Variants in NCAPD3 observed in about 807,000 individuals in gnomAD.
The protein encoded by NCAPD3 is condensin-2 complex subunit D3.
In NCAPD3, 105 loss-of-function variants were observed where a neutral mutation model predicts 182.9. That is an observed-to-expected ratio of 0.57 (90% confidence interval 0.49 to 0.68). The LOEUF (loss-of-function observed/expected upper bound fraction) is 0.68. Among genes scored for constraint, NCAPD3 ranks in the 30% least tolerant of loss-of-function variants. The pLI is 0.00. For missense variants in NCAPD3, 1,944 were observed against 1,837.0 expected (o/e 1.06, Z -1.07); for synonymous variants, 815 against 679.9 (o/e 1.20, Z -3.09).
Position 134,168,800 on chromosome 11 carries a change from A to G in NCAPD3, c.3239+117T>C. On this transcript the variant is annotated intron_variant, in intron 25 of 34. Coordinates refer to ENST00000534548, the MANE Select transcript of NCAPD3 (RefSeq NM_015261.3). ...TTCTTACGCCATCCTGCCAAGCCACAGTAAAGACCTGGGGCAGGGTCTGCG... is the reference window on the plus strand; with the variant it reads ...TTCTTACGCCATCCTGCCAAGCCACGGTAAAGACCTGGGGCAGGGTCTGCG... The G allele has an allele frequency of 2.8e-6, 4 of 1,429,324 alleles. No homozygotes were observed. In the South Asian group the frequency reaches 5.5e-5, roughly 20 times the overall value. 88.5% of individuals were successfully genotyped at this position (1,429,324 alleles called of 1,614,324 possible).
At chr11:134,206,469 C>T (rs1937617847) in intron 8 of NCAPD3, 130 bp downstream of exon 8, 3 of 1,207,282 alleles carry the variant, frequency 2.5e-6, no homozygotes, top group Middle Eastern at 1.9e-4. Context: ...CTACGAAGTG[C>T]TTGGTTTTCA....
intron 16 of NCAPD3, chr11:134,185,851 T>A (rs1316013218): frequency 5.4e-6 from 1 of 183,560 alleles, no homozygotes; most frequent in African/African-American, 2.4e-5. Context: ...TGGGGTCAGT[T>A]ACAGATACAT....
At position 134,204,105 on chromosome 11, in the gene NCAPD3, G is replaced by A. The variant is rs1944804090; in HGVS notation, c.1156C>T (p.Pro386Ser). The change falls in exon 10 of 35, where the codon CCT (proline) becomes TCT (serine). Residue 386 changes from proline (P) to serine (S), a missense_variant. This residue lies in a region of NCAPD3 where 1,803 missense variants were observed against 1,674.6 expected (regional missense o/e 1.08). Coordinates refer to ENST00000534548, the MANE Select transcript of NCAPD3 (RefSeq NM_015261.3). This position sits in a 1 kb window ranked among gnomAD's most constrained non-coding sequence, Gnocchi z 4.3. ...ATGAACATAGCGTATTCCCCACAAG[G>A]AAGTTTACTGAGCAGCTGGACTAGG... Reference protein sequence around the residue: ...QSLVQLLSKLPCGEYAMFIAW... With the variant: ...QSLVQLLSKLSCGEYAMFIAW... 2 of 1,613,970 alleles carry A rather than the reference G, an allele frequency of 1.2e-6. No homozygotes were observed. Among genetic ancestry groups the A allele is most frequent in the African/African-American group, 1.3e-5 (1 of 74,916 alleles).
intron 32 of NCAPD3, chr11:134,153,767 G>C (rs1359968697): frequency 2.1e-5 from 5 of 236,578 alleles, no homozygotes; most frequent in Non-Finnish European, 4.2e-5. Flanking sequence ...GTGCCTGCTG[G>C]TTTCCAGCCA....
chr11:134,220,873 A>C (rs1938203255), intron 1 of NCAPD3, 147 bp from the exon 2 acceptor site: 1 of 673,786 alleles, frequency 1.5e-6, no homozygotes, highest in African/African-American at 1.8e-5. Flanking sequence ...GTGTAGCATA[A>C]TAAAAGAAAA....
chr11:134,220,675 T>C lies in NCAPD3; in HGVS notation c.116A>G (p.Asp39Gly), dbSNP rs1200615140. Residue 39 changes from aspartate to glycine, a missense_variant, in exon 2 of 35, where the codon GAT becomes GGT. Coordinates refer to ENST00000534548, the MANE Select transcript of NCAPD3 (RefSeq NM_015261.3). ...ELDFTETEPL[D>G]PSIEAEIIET... is the part of the protein sequence containing the mutation. ...TATGATCTCTGCTTCTATGCTGGGATCCAAAGGCTCAGTCTCTGTGAAATC... is the reference window on the plus strand; with the variant it reads ...TATGATCTCTGCTTCTATGCTGGGACCCAAAGGCTCAGTCTCTGTGAAATC... The C allele has an allele frequency of 1.2e-6, 2 of 1,614,132 alleles. No homozygotes were observed. Among genetic ancestry groups the C allele is most frequent in the African/African-American group, 1.3e-5 (1 of 75,066 alleles).
Position 134,205,016 on chromosome 11 carries a change from G to T in NCAPD3, c.1017-45C>A. ...ATCTACTGTTCACAATACAGTCAGC[G>T]ACTGTCCCCAAAAACCACTACTCCT... On this transcript the variant is annotated intron_variant, in intron 8 of 34. Transcript: ENST00000534548. The T allele has an allele frequency of 2.0e-6, 3 of 1,472,788 alleles. No homozygotes were observed. In the South Asian group the frequency reaches 3.5e-5, roughly 17 times the overall value. 91.2% of individuals were successfully genotyped at this position (1,472,788 alleles called of 1,614,324 possible). A position where few individuals can be genotyped will look rare whatever the true frequency, so the allele number is the denominator to read the frequency against.
Position 134,168,132 on chromosome 11 carries a change from A to C in NCAPD3, c.3437T>G (p.Phe1146Cys). 6.2e-7 allele frequency: 1 copy of C among 1,614,188 alleles called. No individual in the cohort carries two copies. Among genetic ancestry groups the C allele is most frequent in the Non-Finnish European group, 8.5e-7 (1 of 1,180,012 alleles). The stretch of plus-strand genomic sequence containing the variant: ...GATCTCCTTTGAGCTGAGGACCTCA[A>C]ACGTGTCTGAGAGTAACTCACTGGC... ...LDASELLSDT[F>C]EVLSSKEIKL... Residue 1146 changes from phenylalanine to cysteine, a missense_variant, in exon 27 of 35, where the codon TTT becomes TGT. This residue lies in a region of NCAPD3 where 1,803 missense variants were observed against 1,674.6 expected (regional missense o/e 1.08). Transcript: ENST00000534548.
At chr11:134,184,207 T>G (rs1440463745) in intron 19 of NCAPD3, among the ~76,000 whole-genome samples, 1 of 152,218 alleles carries the variant, frequency 6.6e-6, no homozygotes, top group African/African-American at 2.4e-5. Flanking sequence ...AACCTCATAG[T>G]AACAGGACAG....
chr11:134,165,490 C>A (rs529766038), intron 27 of NCAPD3, among the ~76,000 whole-genome samples: 17 of 147,652 alleles, frequency 1.2e-4, no homozygotes, highest in South Asian at 2.2e-4. Context: ...GAGTGGCACA[C>A]TTGTGAGATG....
intron 3 of NCAPD3, among the ~76,000 whole-genome samples, chr11:134,211,853 C>A (rs1338123212): frequency 6.6e-6 from 1 of 152,212 alleles, no homozygotes; most frequent in Middle Eastern, 3.4e-3. Context: ...AATAAAGACT[C>A]AGTGACCCAT....
At chr11:134,191,475 C>T (rs1006499905) in intron 16 of NCAPD3, among the ~76,000 whole-genome samples, 6 of 152,072 alleles carry the variant, frequency 3.9e-5, no homozygotes, top group African/African-American at 1.4e-4. Flanking sequence ...GGTTTGTGTA[C>T]TTTTCTAGAC....
In NCAPD3 at chr11:134,158,045, C is replaced by A. The variant is rs148581769; in HGVS notation, c.4057G>T (p.Ala1353Ser). ...KARPMSLSTIAILNSVKKAVE... is the reference protein window; with the variant it reads ...KARPMSLSTISILNSVKKAVE... ...GCTTTCTTGACAGAATTCAGGATTG[C>A]AATGGTGCTCAGGGACATGGGCCTG... The change falls in exon 31 of 35, where the codon GCA becomes TCA. Residue 1353 changes from alanine (A) to serine (S), a missense_variant. Ala to Ser is a moderately conservative substitution (Grantham distance 99). Transcript: ENST00000534548. The A allele has an allele frequency of 1.2e-6, 2 of 1,614,100 alleles. No homozygotes were observed. The highest frequency in any genetic ancestry group is 1.7e-6 in the Non-Finnish European group (2 of 1,179,996).
intron 14 of NCAPD3, 77 bp downstream of exon 14, chr11:134,194,587 TA>T: frequency 9.6e-7 from 1 of 1,043,900 alleles, no homozygotes; most frequent in Non-Finnish European, 1.4e-6. Context: ...GAATATGGCC[TA>T]AGAGTTTAAA....
At chr11:134,205,486 T>C (rs1937594825) in intron 8 of NCAPD3, among the ~76,000 whole-genome samples, 3 of 151,932 alleles carry the variant, frequency 2.0e-5, no homozygotes, top group Admixed American at 2.0e-4. Flanking sequence ...TTCAAGAGTT[T>C]CTCCTGCCTC....
At chr11:134,174,096 C>A (rs11223720) in intron 24 of NCAPD3, among the ~76,000 whole-genome samples, 2 of 152,056 alleles carry the variant, frequency 1.3e-5, no homozygotes, top group Non-Finnish European at 2.9e-5. Context: ...CAGAAACACA[C>A]GAAAAAACGT....
Position 134,208,959 on chromosome 11 carries a change from A to T in NCAPD3, c.795-8T>A. 1 of 1,584,758 alleles carries T rather than the reference A, an allele frequency of 6.3e-7. No homozygotes were observed. The highest frequency in any genetic ancestry group is 8.6e-7 in the Non-Finnish European group (1 of 1,162,646). ...TTTGCTTGGTTAAGAGCTCTAAAAA[A>T]AAAAGACGAAATATTAGTTAATGGA... is the stretch of plus-strand genomic sequence containing the variant. On this transcript the variant is annotated splice_region_variant and splice_polypyrimidine_tract_variant and intron_variant, in intron 6 of 34. Transcript: ENST00000534548.
intron 32 of NCAPD3, 149 bp from the exon 33 acceptor site, chr11:134,153,512 G>A (rs1446369761): frequency 5.2e-6 from 4 of 771,720 alleles, no homozygotes; most frequent in Non-Finnish European, 9.0e-6. Flanking sequence ...CCAGGGCCTG[G>A]CAGTGTTGAG....
chr11:134,158,589 G>C, intron 29 of NCAPD3, 94 bp from the exon 30 acceptor site: 1 of 1,350,068 alleles, frequency 7.4e-7, no homozygotes. Flanking sequence ...GGGTCCATAT[G>C]AGATTTTGAT....
Sources: gnomAD v4.1 joint callset for allele counts (sites outside exome capture counted in the v4.1 genomes callset) on GRCh38, gnomAD v4.1.1 for gene constraint, gnomAD v4.1.1 regional missense constraint, Gnocchi (gnomAD v3.1) non-coding constraint, MANE v1.5 for transcripts, NCBI Gene and HGNC (gene_info 2026-07-23, HGNC 2026-07-21) for gene names.